Variants in TERB1 observed in about 807,000 individuals in gnomAD.
TERB1 encodes the protein telomere repeat binding bouquet formation protein 1, also known as telomere repeats-binding bouquet formation protein 1.
TERB1 carries 63 observed loss-of-function variants against 92.3 expected under a neutral mutation model. The observed-to-expected ratio is 0.68, with a 90% confidence interval of 0.56 to 0.84. The LOEUF is 0.84. TERB1 is among the 40% of genes least tolerant of loss of function. TERB1 has a pLI of 0.00. For missense variants in TERB1, 709 were observed against 843.7 expected, an observed-to-expected ratio of 0.84 and a Z score of 1.98; for synonymous variants, 252 against 283.9, an observed-to-expected ratio of 0.89 and a Z score of 1.13.
Position 66,775,190 on chromosome 16 carries a change from C to T in TERB1, c.1039G>A (p.Ala347Thr), listed in dbSNP as rs2018524951. Reference protein sequence around the residue: ...KNNGLPLMIQALTESQNEELN... With the variant: ...KNNGLPLMIQTLTESQNEELN... Reference sequence around the variant, plus strand: ...TCCTCATTCTGCGATTCAGTTAAGGCTTGAATCATGAGTGGAAGCCCATTG... The same window carrying T: ...TCCTCATTCTGCGATTCAGTTAAGGTTTGAATCATGAGTGGAAGCCCATTG... Residue 347 changes from alanine to threonine, a missense_variant, in exon 12 of 19, where the codon GCC becomes ACC. Transcript: ENST00000433154. 2.6e-6 allele frequency: 4 copies of T among 1,551,398 alleles called. No individual in the cohort carries two copies. The highest frequency in any genetic ancestry group is 2.4e-5 in the South Asian group (2 of 84,056).
chr16:66,781,495 T>C (rs569831067), intron 9 of TERB1, among the ~76,000 whole-genome samples: 3 of 151,868 alleles, frequency 2.0e-5, no homozygotes, highest in South Asian at 2.1e-4. Context: ...ATAAGAGCTG[T>C]TTACAAGTTT....
chr16:66,765,838 A>G (rs1294680820), intron 16 of TERB1, among the ~76,000 whole-genome samples: 8 of 149,880 alleles, frequency 5.3e-5, no homozygotes, highest in Admixed American at 3.3e-4. Context: ...AAATCAAACA[A>G]ACTATTGGGT....
chr16:66,755,046 C>T lies in TERB1; in HGVS notation c.2114G>A (p.Gly705Glu). The change falls in exon 19 of 19, where the codon GGA (glycine) becomes GAA (glutamate). Residue 705 changes from glycine (G) to glutamate (E), a missense_variant. By Grantham distance (98) the Gly-to-Glu change is moderately conservative. Transcript: ENST00000433154. ...GTGAGCAAGGTCCACAGCCTTCCGT[C>T]CTTGCTGAAAGGGGAAAGACCACAA... ...SILWSFPFQQ[G>E]RKAVDLAHKY... The T allele has an allele frequency of 1.3e-6, 2 of 1,551,668 alleles. No individual in the cohort carries two copies. The highest frequency in any genetic ancestry group is 2.7e-5 in the African/African-American group (2 of 73,150).
intron 3 of TERB1, among the ~76,000 whole-genome samples, 157 bp from the exon 4 acceptor site, chr16:66,791,176 A>T (rs1014352119): frequency 1.3e-4 from 20 of 150,350 alleles, no homozygotes; most frequent in African/African-American, 2.5e-4. Flanking sequence ...TATTTTTTTT[A>T]AAAATGTTCT....
In TERB1 at chr16:66,801,512, G is replaced by T. The variant is rs1242339921; in HGVS notation, c.-154C>A. On this transcript the variant is annotated 5_prime_UTR_variant, in exon 1 of 19. Transcript: ENST00000433154. The stretch of plus-strand genomic sequence containing the variant: ...AGGCAGGACAACAACGCGCGGGAGC[G>T]GAGGCCGTGGCGTCTACCCTCAAGC... 3.9e-5 allele frequency: 6 copies of T among 152,282 alleles called. No homozygotes were observed. Among genetic ancestry groups the T allele is most frequent in the African/African-American group, 1.4e-4 (6 of 41,456 alleles). 9.4% of individuals were successfully genotyped at this position (152,282 alleles called of 1,614,324 possible). A position where few individuals can be genotyped will look rare whatever the true frequency, so the allele number is the denominator to read the frequency against.
At chr16:66,775,003 G>T (rs2018521479) in intron 12 of TERB1, 115 bp downstream of exon 12, 14 of 1,145,660 alleles carry the variant, frequency 1.2e-5, no homozygotes, top group Non-Finnish European at 1.6e-5. Flanking sequence ...GGCCTAGTCT[G>T]CTTTTCAAAT....
At chr16:66,791,070 C>CCTTT in intron 3 of TERB1, 51 bp from the exon 4 acceptor site, 1 of 1,029,746 alleles carries the variant, frequency 9.7e-7, no homozygotes, top group Non-Finnish European at 1.4e-6. Flanking sequence ...ATTTCATAAA[C>CCTTT]TAACCATTCA....
intron 18 of TERB1, among the ~76,000 whole-genome samples, chr16:66,757,394 T>C (rs1032085105): frequency 6.6e-6 from 1 of 152,240 alleles, no homozygotes; most frequent in African/African-American, 2.4e-5. Context: ...TGTTACGTAC[T>C]TGCTTTGAAG....
intron 18 of TERB1, among the ~76,000 whole-genome samples, chr16:66,755,508 C>CTTA (rs2018123105): frequency 6.6e-6 from 1 of 152,220 alleles, no homozygotes; most frequent in Admixed American, 6.5e-5. Flanking sequence ...GGCACGGTGA[C>CTTA]TTATGCCTAT....
intron 11 of TERB1, among the ~76,000 whole-genome samples, chr16:66,776,636 A>C (rs2018553313): frequency 6.6e-6 from 1 of 151,900 alleles, no homozygotes; most frequent in South Asian, 2.1e-4. Context: ...TAGAAGAGAG[A>C]GGGGTAGAGA....
At chr16:66,767,560 G>T in intron 15 of TERB1, 50 bp from the exon 16 acceptor site, 3 of 827,694 alleles carry the variant, frequency 3.6e-6, no homozygotes, top group East Asian at 2.8e-5. Context: ...AAAAGAATCA[G>T]ATATTTTCAG....
At chr16:66,767,536 T>A in intron 15 of TERB1, 26 bp from the exon 16 acceptor site, 83 of 863,022 alleles carry the variant, frequency 9.6e-5, no homozygotes, top group Non-Finnish European at 1.4e-4. Flanking sequence ...AAATGAAGGA[T>A]TTTTGGATTA....
intron 10 of TERB1, 53 bp from the exon 11 acceptor site, chr16:66,777,387 G>GTA (rs1169979395): frequency 4.4e-6 from 5 of 1,134,236 alleles, no homozygotes; most frequent in Middle Eastern, 2.7e-4. Context: ...ACTTATAAAT[G>GTA]TATATATACT....
chr16:66,795,583 G>C (rs892918928), intron 3 of TERB1, among the ~76,000 whole-genome samples: 2 of 152,130 alleles, frequency 1.3e-5, no homozygotes, highest in African/African-American at 4.8e-5. Flanking sequence ...GTGTGGGACT[G>C]AGGTTGGAGG....
intron 16 of TERB1, among the ~76,000 whole-genome samples, chr16:66,766,212 G>C (rs1418052151): frequency 6.6e-6 from 1 of 152,124 alleles, no homozygotes; most frequent in Non-Finnish European, 1.5e-5. Flanking sequence ...ATAGTTCAAG[G>C]TGGAACAAAA....
At chr16:66,773,356 A>G (rs376863232) in intron 12 of TERB1, among the ~76,000 whole-genome samples, 1 of 151,366 alleles carries the variant, frequency 6.6e-6, no homozygotes, top group Admixed American at 6.6e-5. Flanking sequence ...GTTTTTTTAA[A>G]AAAATAATGT....
Position 66,776,456 on chromosome 16 carries a change from T to C in TERB1, c.985+747A>G, listed in dbSNP as rs188815500. ...CATAAGAGTCAACAAACTCACTTGG[T>C]TTGAAAAAGGGTATAATCAATCCTA... On this transcript the variant is annotated intron_variant, in intron 11 of 18. Transcript: ENST00000433154. Among the ~76,000 whole-genome samples, 8 of 152,100 alleles carry C rather than the reference T, an allele frequency of 5.3e-5. No individual in the cohort carries two copies. The East Asian group carries it at 1.5e-3, about 29-fold the overall frequency.
intron 16 of TERB1, among the ~76,000 whole-genome samples, chr16:66,761,594 C>A (rs138844350): frequency 6.6e-6 from 1 of 151,774 alleles, no homozygotes; most frequent in Admixed American, 6.6e-5. Flanking sequence ...AATTCAAGAC[C>A]ATCCTGGGCA....
Position 66,790,257 on chromosome 16 carries a change from G to C in TERB1, c.271+338C>G, listed in dbSNP as rs536403387. On this transcript the variant is annotated intron_variant, in intron 5 of 18. Coordinates refer to ENST00000433154, the MANE Select transcript of TERB1 (RefSeq NM_001136505.2). ...AGGGAAGGGAAGGAAAAAGGGAAGGGAAGGAAAAAGGGGAGGGGGGCAAAG... is the reference window on the plus strand; with the variant it reads ...AGGGAAGGGAAGGAAAAAGGGAAGGCAAGGAAAAAGGGGAGGGGGGCAAAG... 2.1e-5 allele frequency among the ~76,000 whole-genome samples: 3 copies of C among 144,564 alleles called. No individual in the cohort carries two copies. The East Asian group carries it at 6.5e-4, about 32-fold the overall frequency. 94.8% of individuals were successfully genotyped at this position (144,564 alleles called of 152,430 possible).
Sources: gnomAD v4.1 joint callset for allele counts (sites outside exome capture counted in the v4.1 genomes callset) on GRCh38, gnomAD v4.1.1 for gene constraint, MANE v1.5 for transcripts, NCBI Gene and HGNC (gene_info 2026-07-23, HGNC 2026-07-21) for gene names.